The following NALF1 variants were observed in gnomAD, a reference collection of about 807,000 sequenced individuals.
NALF1 encodes the protein NALCN channel auxiliary factor 1.
In NALF1, 3 loss-of-function variants were observed where a neutral mutation model predicts 48.4. The observed-to-expected ratio is 0.06, with a 90% CI of 0.03 to 0.16. The LOEUF is 0.16. NALF1 is among the 10% of genes least tolerant of loss of function. The pLI is 1.00. For missense variants in NALF1, 526 were observed against 571.5 expected (o/e 0.92, Z 0.81); for synonymous variants, 262 against 245.7 (o/e 1.07, Z -0.62).
At chr13:107,429,619 C>G (rs1223400206) in intron 1 of NALF1, among the ~76,000 whole-genome samples, 1 of 152,162 alleles carries the variant, frequency 6.6e-6, no homozygotes, top group Non-Finnish European at 1.5e-5. Context: ...GGGCACTGAA[C>G]TCTTGCCTTC....
chr13:107,740,174 C>T (rs987742634), intron 1 of NALF1, among the ~76,000 whole-genome samples: 1 of 152,092 alleles, frequency 6.6e-6, no homozygotes. Flanking sequence ...CAGTATAACT[C>T]AATATATACA....
chr13:107,493,137 T>C lies in NALF1; in HGVS notation c.916-282382A>G, dbSNP rs542654567. 8.5e-5 allele frequency among the ~76,000 whole-genome samples: 13 copies of C among 152,290 alleles called. No individual in the cohort carries two copies. In the South Asian group the frequency reaches 2.5e-3, roughly 29 times the overall value. On this transcript the variant is annotated intron_variant, in intron 1 of 2. Transcript: ENST00000375915. ...GCCCAAAAAGATATCTCCATTTCCA[T>C]ACATTTTATGTGTGAGGAAAATAAA...
chr13:107,306,373 C>G (rs1881936629), intron 1 of NALF1, among the ~76,000 whole-genome samples: 1 of 152,154 alleles, frequency 6.6e-6, no homozygotes, highest in South Asian at 2.1e-4. Context: ...ATCCCACCAT[C>G]GGGTTCCACT....
At chr13:107,298,191 A>T (rs530709876) in intron 1 of NALF1, among the ~76,000 whole-genome samples, 31 of 151,708 alleles carry the variant, frequency 2.0e-4, no homozygotes, top group African/African-American at 7.5e-4. Context: ...CTAATAAAAA[A>T]TACACAAAAT....
chr13:107,710,892 GAC>G (rs1398689365), intron 1 of NALF1, among the ~76,000 whole-genome samples: 3 of 149,796 alleles, frequency 2.0e-5, no homozygotes, highest in South Asian at 4.2e-4. Flanking sequence ...TATACACACA[GAC>G]ACACATATAT....
intron 1 of NALF1, among the ~76,000 whole-genome samples, chr13:107,744,063 A>T (rs1175245021): frequency 6.6e-6 from 1 of 152,218 alleles, no homozygotes; most frequent in Non-Finnish European, 1.5e-5. Context: ...GATGAAAAAG[A>T]AAAGACAGAG....
chr13:107,783,227 C>T (rs536439867), intron 1 of NALF1, among the ~76,000 whole-genome samples: 1 of 62,066 alleles, frequency 1.6e-5, no homozygotes, highest in Non-Finnish European at 3.1e-5. Flanking sequence ...CCGCCCCGTC[C>T]GGGAGGGAGG....
chr13:107,470,725 A>G (rs952833327), intron 1 of NALF1, among the ~76,000 whole-genome samples: 5 of 152,248 alleles, frequency 3.3e-5, no homozygotes, highest in African/African-American at 9.6e-5. Flanking sequence ...ATGAAAAAAT[A>G]TTAACATAAT....
chr13:107,374,837 TA>T (rs1883309223), intron 1 of NALF1, among the ~76,000 whole-genome samples: 1 of 152,156 alleles, frequency 6.6e-6, no homozygotes, highest in Admixed American at 6.6e-5. Flanking sequence ...TCCACCATGT[TA>T]AGATGCAGCA....
chr13:107,519,996 C>T lies in NALF1; in HGVS notation c.916-309241G>A, dbSNP rs559952765. ...AAATATGCTTTAAAAATTGGAATTGCGGAAGTAAAATGAATGCTGTAAGGA... is the reference window on the plus strand; with the variant it reads ...AAATATGCTTTAAAAATTGGAATTGTGGAAGTAAAATGAATGCTGTAAGGA... On this transcript the variant is annotated intron_variant, in intron 1 of 2. Transcript: ENST00000375915. 5.3e-5 allele frequency among the ~76,000 whole-genome samples: 8 copies of T among 152,080 alleles called. No individual in the cohort carries two copies. The East Asian group carries it at 5.8e-4, about 11-fold the overall frequency.
chr13:107,566,300 G>T (rs1021813082), intron 1 of NALF1, among the ~76,000 whole-genome samples: 3 of 152,210 alleles, frequency 2.0e-5, no homozygotes, highest in Non-Finnish European at 4.4e-5. Flanking sequence ...GCATGCTGCA[G>T]ATTTGTGCAA....
chr13:107,425,797 T>A (rs1884269970), intron 1 of NALF1, among the ~76,000 whole-genome samples: 1 of 152,128 alleles, frequency 6.6e-6, no homozygotes, highest in Non-Finnish European at 1.5e-5. Flanking sequence ...GTGTTGAGTA[T>A]GCACTATGAT....
At chr13:107,639,190 C>G (rs1434318166) in intron 1 of NALF1, among the ~76,000 whole-genome samples, 1 of 152,186 alleles carries the variant, frequency 6.6e-6, no homozygotes, top group African/African-American at 2.4e-5. Flanking sequence ...AATCCATCCT[C>G]CATGGCAGCT....
intron 1 of NALF1, among the ~76,000 whole-genome samples, chr13:107,518,568 C>T (rs1187483640): frequency 7.2e-5 from 11 of 152,064 alleles, no homozygotes; most frequent in Non-Finnish European, 1.2e-4. Context: ...TCTAAGTGCT[C>T]GGGATATTTC....
At chr13:107,828,603 C>CACA (rs1566498088) in intron 1 of NALF1, among the ~76,000 whole-genome samples, 2 of 36,020 alleles carry the variant, frequency 5.6e-5, no homozygotes, top group East Asian at 3.0e-4. Context: ...ATATCTATAT[C>CACA]TATACACACA....
At chr13:107,215,518 T>TA (rs1879854273) in intron 1 of NALF1, among the ~76,000 whole-genome samples, 1 of 147,460 alleles carries the variant, frequency 6.8e-6, no homozygotes, top group African/African-American at 2.5e-5. Flanking sequence ...TTTTTTTTTT[T>TA]AAAGCTTTGG....
chr13:107,567,564 A>T lies in NALF1; in HGVS notation c.915+298118T>A, dbSNP rs185014868. ...TGTACATATTTTCTACAACTAAGGT[A>T]AAATTCAAAACCAAGAAACTGACAT... On this transcript the variant is annotated intron_variant, in intron 1 of 2. Transcript: ENST00000375915. Among the ~76,000 whole-genome samples, 35 of 152,348 alleles carry T rather than the reference A, an allele frequency of 2.3e-4. No homozygotes were observed. In the East Asian group the frequency reaches 5.2e-3, roughly 23 times the overall value.
At chr13:107,794,031 T>A (rs1027485818) in intron 1 of NALF1, among the ~76,000 whole-genome samples, 2 of 152,100 alleles carry the variant, frequency 1.3e-5, no homozygotes, top group African/African-American at 4.8e-5. Context: ...CGTAAACCAT[T>A]CCAAACAGGA....
intron 1 of NALF1, among the ~76,000 whole-genome samples, chr13:107,596,596 T>G (rs1457849298): frequency 6.6e-6 from 1 of 152,010 alleles, no homozygotes; most frequent in Non-Finnish European, 1.5e-5. Flanking sequence ...CTGCATGTTC[T>G]CACTCATAAG....
Sources: allele counts gnomAD v4.1 joint callset (sites outside exome capture counted in the v4.1 genomes callset), GRCh38; gene constraint gnomAD v4.1.1; transcripts MANE v1.5; gene names NCBI Gene and HGNC (gene_info 2026-07-23, HGNC 2026-07-21).